Variants in IQGAP2 observed in about 807,000 individuals in gnomAD.
IQGAP2 encodes IQ motif containing GTPase activating protein 2.
IQGAP2 carries 173 observed loss-of-function variants against 201.3 expected under a neutral mutation model. That is an observed-to-expected ratio of 0.86 (90% confidence interval 0.76 to 0.98). IQGAP2 has a LOEUF of 0.98. Ranked by LOEUF, IQGAP2 falls within the 50% of genes least tolerant of loss-of-function variation. IQGAP2 has a pLI of 0.00. For missense variants in IQGAP2, 1,687 were observed against 1,864.8 expected (o/e 0.90, Z 1.76); for synonymous variants, 675 against 673.9 (o/e 1.00, Z -0.03).
chr5:76,534,338 C>A (rs889138286), intron 2 of IQGAP2, among the ~76,000 whole-genome samples: 1 of 152,128 alleles, frequency 6.6e-6, no homozygotes, highest in African/African-American at 2.4e-5. Flanking sequence ...AGATACATAC[C>A]CTTCTGAGAA....
At chr5:76,593,213 C>G (rs1320041834) in intron 9 of IQGAP2, among the ~76,000 whole-genome samples, 1 of 152,124 alleles carries the variant, frequency 6.6e-6, no homozygotes, top group African/African-American at 2.4e-5. Context: ...GGGGCTAATA[C>G]TGAAGGTCAT....
intron 1 of IQGAP2, among the ~76,000 whole-genome samples, chr5:76,431,645 A>T (rs1383249997): frequency 6.6e-6 from 1 of 152,144 alleles, no homozygotes; most frequent in Non-Finnish European, 1.5e-5. Context: ...CAACATGGTG[A>T]AACCCCAGCT....
chr5:76,448,081 T>A (rs993682970), intron 1 of IQGAP2, among the ~76,000 whole-genome samples: 1 of 152,184 alleles, frequency 6.6e-6, no homozygotes. Context: ...TTGCATCTCC[T>A]AAGGGTAGCG....
At chr5:76,601,350 G>A (rs1747416346) in intron 11 of IQGAP2, among the ~76,000 whole-genome samples, 1 of 152,224 alleles carries the variant, frequency 6.6e-6, no homozygotes, top group African/African-American at 2.4e-5. Context: ...TGTCACTGAT[G>A]CAGAAACAGA....
rs1744036378 is a variant in IQGAP2 at position 76,668,864 on chromosome 5, T to C, written c.2843+20T>C. The stretch of plus-strand genomic sequence containing the variant: ...AATAAAGTATGTATACAAATATGTA[T>C]GTAAAAATACCAGTGAATCAATCCT... On this transcript the variant is annotated intron_variant, in intron 23 of 35. Transcript: ENST00000274364. 1.3e-6 allele frequency: 2 copies of C among 1,483,052 alleles called. No individual in the cohort carries two copies. The highest frequency in any genetic ancestry group is 1.8e-6 in the Non-Finnish European group (2 of 1,092,538). 91.9% of individuals were successfully genotyped at this position (1,483,052 alleles called of 1,614,324 possible).
At chr5:76,465,604 T>A (rs10036503) in intron 2 of IQGAP2, among the ~76,000 whole-genome samples, 88,942 of 152,014 alleles carry the variant, frequency 0.59, 26,597 homozygotes, top group East Asian at 0.84. Flanking sequence ...AAGGGATGTT[T>A]TCTGGTTTAT....
intron 1 of IQGAP2, among the ~76,000 whole-genome samples, chr5:76,425,516 T>C (rs924967757): frequency 1.3e-5 from 2 of 152,110 alleles, no homozygotes; most frequent in African/African-American, 4.8e-5. Flanking sequence ...AGAACCTAAA[T>C]AGTACGGGGA....
chr5:76,635,848 A>G (rs1751084671), intron 15 of IQGAP2, among the ~76,000 whole-genome samples: 1 of 151,252 alleles, frequency 6.6e-6, no homozygotes. Context: ...AAAGAAAGGA[A>G]GGAAGGGAGG....
intron 2 of IQGAP2, among the ~76,000 whole-genome samples, chr5:76,495,450 T>A (rs983158133): frequency 2.6e-5 from 4 of 152,180 alleles, no homozygotes; most frequent in African/African-American, 9.7e-5. Context: ...GGGAAGGCCT[T>A]GCTGGGCTGC....
At chr5:76,406,987 ATTTT>A (rs1209227873) in intron 1 of IQGAP2, among the ~76,000 whole-genome samples, 3 of 149,416 alleles carry the variant, frequency 2.0e-5, no homozygotes, top group Non-Finnish European at 4.5e-5. Context: ...CATTATTATT[ATTTT>A]TTTTTTAGGC....
intron 2 of IQGAP2, 119 bp downstream of exon 2, chr5:76,461,788 G>A (rs762336074): frequency 1.9e-5 from 13 of 688,726 alleles, no homozygotes; most frequent in African/African-American, 3.6e-5. Flanking sequence ...AAGAGTTGTC[G>A]TAGTTGGAGA....
intron 2 of IQGAP2, among the ~76,000 whole-genome samples, chr5:76,546,162 G>A (rs913081771): frequency 1.3e-5 from 2 of 151,992 alleles, no homozygotes; most frequent in Non-Finnish European, 2.9e-5. Context: ...TTGGCCGGGT[G>A]TGTTGGCTCA....
At chr5:76,610,924 T>C (rs1213036020) in intron 12 of IQGAP2, 96 bp from the exon 13 acceptor site, 4 of 962,644 alleles carry the variant, frequency 4.2e-6, no homozygotes, top group Non-Finnish European at 6.2e-6. Context: ...TCCTATAGCC[T>C]TGCTGTACTA....
In IQGAP2 at chr5:76,496,760, T is replaced by TCTTTCTTTCTTTC. The variant is rs1561416535; in HGVS notation, c.146+35092_146+35104dup. 4.5e-4 allele frequency among the ~76,000 whole-genome samples: 40 copies of TCTTTCTTTCTTTC among 89,410 alleles called. No homozygotes were observed. The East Asian group carries it at 6.2e-3, about 14-fold the overall frequency. 58.7% of individuals were successfully genotyped at this position (89,410 alleles called of 152,430 possible). Reference sequence around the variant, plus strand: ...TTCTTTCTTTCTTTCTTTCTTTCTTTCTTTCTTTCTTTCTTTCTTTCTTTC... The same window carrying TCTTTCTTTCTTTC: ...TTCTTTCTTTCTTTCTTTCTTTCTTTCTTTCTTTCTTTCCTTTCTTTCTTTCTTTCTTTCTTTC... On this transcript the variant is annotated intron_variant, in intron 2 of 35. Coordinates refer to ENST00000274364, the MANE Select transcript of IQGAP2 (RefSeq NM_006633.5).
intron 17 of IQGAP2, among the ~76,000 whole-genome samples, chr5:76,649,977 C>G (rs1166065841): frequency 1.3e-5 from 2 of 152,236 alleles, no homozygotes; most frequent in Non-Finnish European, 2.9e-5. Flanking sequence ...GAAGCAGCAG[C>G]CTTAGCTGTA....
intron 13 of IQGAP2, among the ~76,000 whole-genome samples, chr5:76,618,937 C>G (rs574394597): frequency 4.6e-5 from 7 of 152,284 alleles, no homozygotes; most frequent in Admixed American, 2.0e-4. Context: ...ATGTTGACTA[C>G]AAACTATACA....
At chr5:76,589,800 A>G in intron 7 of IQGAP2, 72 bp downstream of exon 7, 1 of 724,428 alleles carries the variant, frequency 1.4e-6, no homozygotes, top group Non-Finnish European at 2.2e-6. Context: ...GATTTTGATT[A>G]CTCGAAATAG....
chr5:76,493,337 C>T (rs1010673993), intron 2 of IQGAP2, among the ~76,000 whole-genome samples: 9 of 151,668 alleles, frequency 5.9e-5, no homozygotes, highest in Admixed American at 4.6e-4. Context: ...AGCACACTGG[C>T]CTCCTTGCTG....
chr5:76,568,712 T>C (rs1013594028), intron 3 of IQGAP2, among the ~76,000 whole-genome samples: 5 of 152,194 alleles, frequency 3.3e-5, no homozygotes, highest in African/African-American at 1.2e-4. Flanking sequence ...AGTAGGGATT[T>C]AGGGAAGCAA....
Sources: allele counts gnomAD v4.1 joint callset (sites outside exome capture counted in the v4.1 genomes callset), GRCh38; gene constraint gnomAD v4.1.1; transcripts MANE v1.5; gene names NCBI Gene and HGNC (gene_info 2026-07-23, HGNC 2026-07-21).